The following RAPGEF4 variants were observed in gnomAD, a reference collection of about 807,000 sequenced individuals.
RAPGEF4 encodes the protein RAP guanine-nucleotide-exchange factor (GEF) 4.
In RAPGEF4, 66 loss-of-function variants were observed where a neutral mutation model predicts 147.9. The observed-to-expected ratio is 0.45, with a 90% CI of 0.37 to 0.55. The LOEUF is 0.55. Among genes scored for constraint, RAPGEF4 ranks in the 20% least tolerant of loss-of-function variants. The pLI is 0.00. For missense variants in RAPGEF4, 1,071 were observed against 1,257.3 expected (o/e 0.85, Z 2.24); for synonymous variants, 419 against 442.7 (o/e 0.95, Z 0.67).
intron 3 of RAPGEF4, among the ~76,000 whole-genome samples, chr2:172,813,099 G>A (rs563721252): frequency 2.2e-4 from 34 of 152,298 alleles, no homozygotes; most frequent in African/African-American, 7.5e-4. Context: ...CTGTGCAGAA[G>A]CAATTTGCTA....
At chr2:172,744,927 GC>G (rs1694637974) in intron 1 of RAPGEF4, among the ~76,000 whole-genome samples, 1 of 151,872 alleles carries the variant, frequency 6.6e-6, no homozygotes, top group East Asian at 1.9e-4. Context: ...CAAATGTTAA[GC>G]CAACCTTGCC....
chr2:172,799,555 C>T (rs754731988), intron 3 of RAPGEF4, among the ~76,000 whole-genome samples: 5 of 152,214 alleles, frequency 3.3e-5, no homozygotes, highest in African/African-American at 4.8e-5. Context: ...CTCAGAGCTG[C>T]TCCTGGTACT....
At position 172,947,756 on chromosome 2, in the gene RAPGEF4, A is replaced by T. The variant is rs555857218; in HGVS notation, c.538-13004A>T. On this transcript the variant is annotated intron_variant, in intron 6 of 30. Coordinates refer to ENST00000397081, the MANE Select transcript of RAPGEF4 (RefSeq NM_007023.4). ...AGAGGGTTGGTAAGTACTTTCTTAA[A>T]TTTTTTTTGATAAGAAGTTCTAAAT... 9.2e-5 allele frequency among the ~76,000 whole-genome samples: 14 copies of T among 152,074 alleles called. No individual in the cohort carries two copies. The East Asian group carries it at 2.3e-3, about 25-fold the overall frequency.
intron 11 of RAPGEF4, among the ~76,000 whole-genome samples, chr2:172,984,131 A>C (rs945430287): frequency 6.6e-6 from 1 of 152,194 alleles, no homozygotes; most frequent in African/African-American, 2.4e-5. Flanking sequence ...TTACCTGATT[A>C]GAGTATTTAG....
intron 6 of RAPGEF4, among the ~76,000 whole-genome samples, chr2:172,955,774 G>T (rs750654034): frequency 1.3e-5 from 2 of 152,148 alleles, no homozygotes; most frequent in Non-Finnish European, 2.9e-5. Context: ...CTAGCCTAGC[G>T]CTCAGCAGGA....
At chr2:172,923,905 G>T (rs1685014710) in intron 6 of RAPGEF4, among the ~76,000 whole-genome samples, 1 of 152,054 alleles carries the variant, frequency 6.6e-6, no homozygotes, top group Non-Finnish European at 1.5e-5. Flanking sequence ...TAAATTAACT[G>T]TCCTTTTGCC....
intron 18 of RAPGEF4, among the ~76,000 whole-genome samples, chr2:173,015,464 C>A (rs1018367034): frequency 6.6e-6 from 1 of 152,160 alleles, no homozygotes; most frequent in Non-Finnish European, 1.5e-5. Flanking sequence ...AAACATACAC[C>A]GTCTCTCCTT....
chr2:172,916,789 G>T (rs1208613215), intron 4 of RAPGEF4, among the ~76,000 whole-genome samples: 1 of 152,212 alleles, frequency 6.6e-6, no homozygotes, highest in Non-Finnish European at 1.5e-5. Flanking sequence ...CCAGATGGTT[G>T]CCCCAATACT....
chr2:172,889,054 A>C (rs75661475), intron 4 of RAPGEF4, among the ~76,000 whole-genome samples: 1,614 of 152,330 alleles, frequency 0.011, 30 homozygotes, highest in African/African-American at 0.037. Context: ...GCTGACGAAC[A>C]ATTTCTGAGA....
At chr2:172,943,116 C>T (rs1233230708) in intron 6 of RAPGEF4, among the ~76,000 whole-genome samples, 1 of 152,072 alleles carries the variant, frequency 6.6e-6, no homozygotes, top group African/African-American at 2.4e-5. Context: ...TGGGGCAAAA[C>T]CTCCAAAACA....
chr2:172,764,766 G>A lies in RAPGEF4; in HGVS notation c.65+28718G>A, dbSNP rs1696672542. Among the ~76,000 whole-genome samples, 2 of 152,190 alleles carry A rather than the reference G, an allele frequency of 1.3e-5. 1 individual carries two copies. The highest frequency in any genetic ancestry group is 4.8e-5 in the African/African-American group (2 of 41,460). On this transcript the variant is annotated intron_variant, in intron 1 of 30. Transcript: ENST00000397081. Reference sequence around the variant, plus strand: ...TAAGGTGCCTGCCTTCTTGGTGATGGAGATTGACAAAAGACTTTTTGTCTG... The same window carrying A: ...TAAGGTGCCTGCCTTCTTGGTGATGAAGATTGACAAAAGACTTTTTGTCTG...
At chr2:172,794,960 C>T (rs1198529689) in intron 1 of RAPGEF4, 65 bp from the exon 2 acceptor site, 2 of 1,427,634 alleles carry the variant, frequency 1.4e-6, no homozygotes, top group African/African-American at 1.4e-5. Flanking sequence ...TAAAATGAGG[C>T]CTGTTGATTC....
At chr2:172,844,799 G>A (rs1339833391) in intron 4 of RAPGEF4, among the ~76,000 whole-genome samples, 1 of 152,148 alleles carries the variant, frequency 6.6e-6, no homozygotes, top group South Asian at 2.1e-4. Flanking sequence ...TTCAATAGCA[G>A]ACATATTGTA....
intron 15 of RAPGEF4, among the ~76,000 whole-genome samples, chr2:172,992,497 C>T (rs2105746154): frequency 6.6e-6 from 1 of 152,326 alleles, no homozygotes; most frequent in South Asian, 2.1e-4. Context: ...GAGAATTCTC[C>T]TTAACCTAGA....
intron 27 of RAPGEF4, among the ~76,000 whole-genome samples, chr2:173,035,319 T>C (rs546506608): frequency 1.3e-4 from 20 of 152,032 alleles, no homozygotes; most frequent in Admixed American, 3.3e-4. Context: ...CCATTCTGGC[T>C]AACATGGTGA....
intron 4 of RAPGEF4, among the ~76,000 whole-genome samples, chr2:172,872,120 A>C (rs1197536776): frequency 6.6e-6 from 1 of 152,128 alleles, no homozygotes; most frequent in Non-Finnish European, 1.5e-5. Context: ...CAGTTTCCAA[A>C]TTTGCTTTAT....
intron 22 of RAPGEF4, among the ~76,000 whole-genome samples, chr2:173,019,211 A>G (rs1186699701): frequency 6.6e-6 from 1 of 152,236 alleles, no homozygotes; most frequent in Non-Finnish European, 1.5e-5. Context: ...TTTGAAGCTG[A>G]TGATGGTTTT....
chr2:173,036,340 C>T (rs1684006228), intron 28 of RAPGEF4, 128 bp downstream of exon 28: 4 of 781,100 alleles, frequency 5.1e-6, no homozygotes, highest in Non-Finnish European at 8.6e-6. Flanking sequence ...TCTTTGTCAT[C>T]TCCTCTCAGT....
intron 4 of RAPGEF4, among the ~76,000 whole-genome samples, chr2:172,870,916 G>A (rs747539652): frequency 4.6e-5 from 7 of 152,176 alleles, no homozygotes; most frequent in Non-Finnish European, 8.8e-5. Context: ...GTTGTGAAAA[G>A]AGGTATAGCA....
Sources: allele counts gnomAD v4.1 joint callset (sites outside exome capture counted in the v4.1 genomes callset), GRCh38; gene constraint gnomAD v4.1.1; transcripts MANE v1.5; gene names NCBI Gene and HGNC (gene_info 2026-07-23, HGNC 2026-07-21).